Variants in KIAA1755 observed in about 807,000 individuals in gnomAD.
KIAA1755 encodes the protein uncharacterized protein KIAA1755.
In KIAA1755, 68 loss-of-function variants were observed where a neutral mutation model predicts 91.7. The observed-to-expected ratio is 0.74, with a 90% CI of 0.61 to 0.91. KIAA1755 has a LOEUF of 0.91. KIAA1755 is among the 40% of genes least tolerant of loss of function. KIAA1755 has a pLI of 0.00. For synonymous variants in KIAA1755, 610 were observed against 604.6 expected (o/e 1.01, Z -0.13); for missense variants, 1,535 against 1,494.4 (o/e 1.03, Z -0.45).
chr20:38,222,381 G>A, intron 10 of KIAA1755, 68 bp downstream of exon 10: 3 of 1,538,216 alleles, frequency 2.0e-6, no homozygotes, highest in Non-Finnish European at 2.7e-6. Flanking sequence ...AGGTGGTGTG[G>A]TCCCAGCTCC....
Position 38,241,050 on chromosome 20 carries a change from G to A in KIAA1755, c.1081C>T (p.Pro361Ser). The change falls in exon 3 of 14, where the codon CCC becomes TCC. Residue 361 changes from proline to serine, a missense_variant. By Grantham distance (74) the Pro-to-Ser change is moderately conservative. Coordinates refer to ENST00000279024, the MANE Select transcript of KIAA1755 (RefSeq NM_001029864.2). ...GGCGGCCTTTCTGAGTTGTGGGTGG[G>A]TGCTTTAAGATTGACCTTTCTCCTG... ...GFRRKVNLKAPTHNSERPPQG... is the reference protein window; with the variant it reads ...GFRRKVNLKASTHNSERPPQG... 1 of 1,614,116 alleles carries A rather than the reference G, an allele frequency of 6.2e-7. No homozygotes were observed. The highest frequency in any genetic ancestry group is 8.5e-7 in the Non-Finnish European group (1 of 1,180,044).
chr20:38,230,691 C>G (rs1235253245), intron 5 of KIAA1755, among the ~76,000 whole-genome samples: 1 of 152,162 alleles, frequency 6.6e-6, no homozygotes, highest in Non-Finnish European at 1.5e-5. Flanking sequence ...GAGCTCAAGA[C>G]CAGCCTGACC....
At chr20:38,233,497 C>T (rs1269222750) in intron 4 of KIAA1755, 2 of 152,152 alleles carry the variant, frequency 1.3e-5, no homozygotes, top group African/African-American at 4.8e-5. Flanking sequence ...TGCTACATCA[C>T]ATACCTGGGT....
chr20:38,218,480 G>A lies in KIAA1755; in HGVS notation c.2557-114C>T, dbSNP rs2075593702. ...TCTGTCTTCACTCATTCAGTGGCTA[G>A]GCCTGTGACCACTGGCTTGGACTGA... On this transcript the variant is annotated intron_variant, in intron 11 of 13. Coordinates refer to ENST00000279024, the MANE Select transcript of KIAA1755 (RefSeq NM_001029864.2). 2.9e-6 allele frequency: 4 copies of A among 1,392,474 alleles called. No individual in the cohort carries two copies. In the East Asian group the frequency reaches 7.2e-5, roughly 25 times the overall value. 86.3% of individuals were successfully genotyped at this position (1,392,474 alleles called of 1,614,324 possible).
intron 2 of KIAA1755, among the ~76,000 whole-genome samples, chr20:38,245,003 G>A (rs915745380): frequency 6.6e-6 from 1 of 152,180 alleles, no homozygotes; most frequent in African/African-American, 2.4e-5. Context: ...TGGGATTACA[G>A]GCATGAGCCA....
Position 38,213,157 on chromosome 20 carries a change from G to GAA in KIAA1755, c.3487_3488insTT (p.Pro1163LeufsTer41), listed in dbSNP as rs747113270. The GAA allele has an allele frequency of 1.2e-5, 20 of 1,613,576 alleles. No individual in the cohort carries two copies. In the South Asian group the frequency reaches 2.0e-4, roughly 16 times the overall value. ...GCGAGGGACCTGGCTCTGCCTGGGGGGCTGCTGCCGGAAGAAGGTGGTGGC... is the reference window on the plus strand; with the variant it reads ...GCGAGGGACCTGGCTCTGCCTGGGGGAAGCTGCTGCCGGAAGAAGGTGGTGGC... On this transcript the variant is annotated frameshift_variant, in exon 14 of 14. Coordinates refer to ENST00000279024, the MANE Select transcript of KIAA1755 (RefSeq NM_001029864.2). LOFTEE classifies it high-confidence loss of function.
chr20:38,250,867 G>A (rs1203743271), intron 1 of KIAA1755, among the ~76,000 whole-genome samples: 1 of 152,030 alleles, frequency 6.6e-6, no homozygotes, highest in Non-Finnish European at 1.5e-5. Flanking sequence ...ACATGTGGGG[G>A]CAAGGGCAAG....
At chr20:38,218,893 A>G (rs2075603084) in intron 11 of KIAA1755, among the ~76,000 whole-genome samples, 1 of 152,198 alleles carries the variant, frequency 6.6e-6, no homozygotes, top group Non-Finnish European at 1.5e-5. Context: ...AATGGGGTAG[A>G]CATGAAGATT....
chr20:38,252,786 G>A (rs908149465), intron 1 of KIAA1755, among the ~76,000 whole-genome samples: 2 of 152,166 alleles, frequency 1.3e-5, no homozygotes, highest in African/African-American at 4.8e-5. Flanking sequence ...AGTATGTTCC[G>A]AGTTAACAGA....
At chr20:38,229,116 G>T (rs1039871096) in intron 5 of KIAA1755, among the ~76,000 whole-genome samples, 1 of 152,188 alleles carries the variant, frequency 6.6e-6, no homozygotes, top group African/African-American at 2.4e-5. Flanking sequence ...TTGAAAAATA[G>T]CCCCCAACTG....
At chr20:38,242,139 C>T (rs1459691912) in intron 2 of KIAA1755, among the ~76,000 whole-genome samples, 2 of 152,226 alleles carry the variant, frequency 1.3e-5, no homozygotes, top group Admixed American at 1.3e-4. Context: ...TCCTAGCCTA[C>T]TGACCCAAGT....
intron 3 of KIAA1755, 118 bp from the exon 4 acceptor site, chr20:38,239,843 A>C: frequency 1.0e-6 from 1 of 966,658 alleles, no homozygotes; most frequent in Non-Finnish European, 1.6e-6. Context: ...GATCTCTCCC[A>C]TGTGCCAGGC....
Position 38,246,014 on chromosome 20 carries a change from C to T in KIAA1755, c.116G>A (p.Gly39Asp). ...LGQVFRLLDSGFQGDGLSFLL... is the reference protein window; with the variant it reads ...LGQVFRLLDSDFQGDGLSFLL... ...GAAGCTCAGCCCATCCCCCTGGAAG[C>T]CAGAGTCCAGGAGACGGAACACCTG... The change falls in exon 2 of 14, where the codon GGC (glycine) becomes GAC (aspartate). Residue 39 changes from glycine to aspartate, a missense_variant. Physicochemically the swap from Gly to Asp is moderately conservative, Grantham distance 94. Transcript: ENST00000279024. 1 of 1,614,204 alleles carries T rather than the reference C, an allele frequency of 6.2e-7. No homozygotes were observed. The highest frequency in any genetic ancestry group is 8.5e-7 in the Non-Finnish European group (1 of 1,180,044).
rs755567778 is a variant in KIAA1755 at position 38,213,216 on chromosome 20, G to A, written c.3429C>T (p.His1143=). 1.9e-6 allele frequency: 3 copies of A among 1,613,374 alleles called. No homozygotes were observed. Among genetic ancestry groups the A allele is most frequent in the South Asian group, 1.1e-5 (1 of 91,092 alleles). The part of the protein sequence containing the change: ...AAEAEDGKGS[H]KLPDPAREHL... Reference sequence around the variant, plus strand: ...GCTCGCGGGCAGGGTCAGGCAGCTTGTGGGAGCCTTTGCCGTCTTCAGCCT... The same window carrying A: ...GCTCGCGGGCAGGGTCAGGCAGCTTATGGGAGCCTTTGCCGTCTTCAGCCT... Residue 1143 remains histidine (H), a synonymous_variant, in exon 14 of 14, where the codon CAC becomes CAT. Coordinates refer to ENST00000279024, the MANE Select transcript of KIAA1755 (RefSeq NM_001029864.2).
rs948405852 is a variant in KIAA1755 at position 38,246,137 on chromosome 20, CAGG to C, written c.4-14_4-12del. Reference sequence around the variant, plus strand: ...GAGGGATGGAGGGTCCTGTGGGGGACAGGAGGAGGGGGTGATAATAGCAATGAT... The same window carrying C: ...GAGGGATGGAGGGTCCTGTGGGGGACAGGAGGGGGTGATAATAGCAATGAT... On this transcript the variant is annotated splice_polypyrimidine_tract_variant and intron_variant, in intron 1 of 13. Coordinates refer to ENST00000279024, the MANE Select transcript of KIAA1755 (RefSeq NM_001029864.2). The C allele has an allele frequency of 1.2e-6, 2 of 1,609,634 alleles. No homozygotes were observed. Among genetic ancestry groups the C allele is most frequent in the African/African-American group, 2.7e-5 (2 of 74,754 alleles).
At position 38,246,800 on chromosome 20, in the gene KIAA1755, C is replaced by A. The variant is rs6127537; in HGVS notation, c.4-674G>T. Among the ~76,000 whole-genome samples the A allele has an allele frequency of 5.4e-3, 822 of 152,292 alleles. 16 individuals are homozygous for A. In the East Asian group the frequency reaches 0.062, roughly 12 times the overall value. ...CTGGCAACTTCCCAAACCTGCTCCT[C>A]CCCCAGTCCTACCTCGGTGATGACC... On this transcript the variant is annotated intron_variant, in intron 1 of 13. Coordinates refer to ENST00000279024, the MANE Select transcript of KIAA1755 (RefSeq NM_001029864.2).
intron 2 of KIAA1755, 132 bp from the exon 3 acceptor site, chr20:38,242,061 C>T (rs2076079152): frequency 2.3e-6 from 2 of 887,376 alleles, no homozygotes; most frequent in African/African-American, 3.4e-5. Flanking sequence ...TTAGGAGGCA[C>T]TCACTGTCAA....
rs185020482 is a variant in KIAA1755 at position 38,248,172 on chromosome 20, T to C, written c.4-2046A>G. Reference sequence around the variant, plus strand: ...TGAACCTGGGAGATGGAGGTTTCAGTGAGCCAAGATGGCGCCACTGCACTC... The same window carrying C: ...TGAACCTGGGAGATGGAGGTTTCAGCGAGCCAAGATGGCGCCACTGCACTC... On this transcript the variant is annotated intron_variant, in intron 1 of 13. Coordinates refer to ENST00000279024, the MANE Select transcript of KIAA1755 (RefSeq NM_001029864.2). Among the ~76,000 whole-genome samples the C allele has an allele frequency of 2.4e-3, 367 of 152,254 alleles. 1 individual carries two copies. Among genetic ancestry groups the C allele is most frequent in the African/African-American group, 8.3e-3 (346 of 41,516 alleles).
At position 38,223,650 on chromosome 20, in the gene KIAA1755, G is replaced by A. The variant is rs1161274692; in HGVS notation, c.2170-14C>T. 1 of 1,598,444 alleles carries A rather than the reference G, an allele frequency of 6.3e-7. No homozygotes were observed. The highest frequency in any genetic ancestry group is 8.5e-7 in the Non-Finnish European group (1 of 1,171,968). ...AGGGTCCAGCTTCTGCAGGACAGAG[G>A]ACCAAAGGGCAGGTGTCAGCCCAGG... On this transcript the variant is annotated splice_polypyrimidine_tract_variant and intron_variant, in intron 8 of 13. Transcript: ENST00000279024.
Sources: gnomAD v4.1 joint callset for allele counts (sites outside exome capture counted in the v4.1 genomes callset) on GRCh38, gnomAD v4.1.1 for gene constraint, MANE v1.5 for transcripts, NCBI Gene and HGNC (gene_info 2026-07-23, HGNC 2026-07-21) for gene names.